The following FSTL4 variants were observed in gnomAD, a reference collection of about 807,000 sequenced individuals.
FSTL4 encodes the protein follistatin like 4.
Under a neutral mutation model 78.2 loss-of-function variants are expected in FSTL4, and 28 were observed. The observed-to-expected ratio is 0.36, with a 90% CI of 0.27 to 0.49. The LOEUF (loss-of-function observed/expected upper bound fraction) is 0.49. Ranked by LOEUF, FSTL4 falls within the 20% of genes least tolerant of loss-of-function variation. The pLI is 0.98. For missense variants in FSTL4, 922 were observed against 1,084.9 expected (o/e 0.85, Z 2.11); for synonymous variants, 422 against 440.5 (o/e 0.96, Z 0.53).
chr5:133,593,567 G>A (rs1204613307), intron 2 of FSTL4, among the ~76,000 whole-genome samples: 1 of 152,040 alleles, frequency 6.6e-6, no homozygotes, highest in Admixed American at 6.5e-5. Flanking sequence ...GCTGAGCCAG[G>A]GGCCAGGACA....
chr5:133,598,918 C>G (rs935934991), intron 2 of FSTL4, among the ~76,000 whole-genome samples: 1 of 152,190 alleles, frequency 6.6e-6, no homozygotes, highest in African/African-American at 2.4e-5. Context: ...CTTGGACCCC[C>G]GTTGGTTCAC....
intron 3 of FSTL4, among the ~76,000 whole-genome samples, chr5:133,438,433 T>C (rs77120823): frequency 0.02 from 2,990 of 152,338 alleles, 52 homozygotes; most frequent in Middle Eastern, 0.034. Flanking sequence ...GGAAGGAGAA[T>C]ATATGATATT....
the FSTL4 span, among the ~76,000 whole-genome samples, chr5:133,647,732 G>T: frequency 6.6e-6 from 1 of 152,058 alleles, no homozygotes; most frequent in Non-Finnish European, 1.5e-5. Flanking sequence ...CCCTTCTTAG[G>T]GTTTACTTAA....
intron 3 of FSTL4, among the ~76,000 whole-genome samples, chr5:133,459,062 A>G (rs887184350): frequency 6.6e-6 from 1 of 151,786 alleles, no homozygotes; most frequent in Admixed American, 6.6e-5. Flanking sequence ...CCTCCAACAG[A>G]CCCCACCTGC....
the FSTL4 span, among the ~76,000 whole-genome samples, chr5:133,648,102 G>A: frequency 1.3e-5 from 2 of 152,136 alleles, no homozygotes; most frequent in Non-Finnish European, 2.9e-5. Context: ...ATGTAGAACT[G>A]TAAGTCCACT....
chr5:133,696,665 T>C, the FSTL4 span, among the ~76,000 whole-genome samples: 1 of 152,206 alleles, frequency 6.6e-6, no homozygotes, highest in Non-Finnish European at 1.5e-5. Flanking sequence ...AGTGAACAGA[T>C]GGACAGATAG....
intron 3 of FSTL4, among the ~76,000 whole-genome samples, chr5:133,535,017 C>G (rs902621750): frequency 1.7e-4 from 26 of 152,156 alleles, no homozygotes; most frequent in African/African-American, 6.0e-4. Context: ...TTAAGACTTT[C>G]AAGAAGGTAA....
the FSTL4 span, among the ~76,000 whole-genome samples, chr5:133,807,126 A>C: frequency 1.3e-5 from 2 of 152,236 alleles, no homozygotes. Context: ...CAGCCTCTTC[A>C]CATTAAGCGG....
At chr5:133,480,580 C>T (rs1015177632) in intron 3 of FSTL4, among the ~76,000 whole-genome samples, 1 of 152,008 alleles carries the variant, frequency 6.6e-6, no homozygotes, top group Non-Finnish European at 1.5e-5. Flanking sequence ...CAACGTGAAG[C>T]CGGTTCTACT....
At chr5:133,289,494 G>T (rs1753208383) in intron 6 of FSTL4, among the ~76,000 whole-genome samples, 1 of 152,318 alleles carries the variant, frequency 6.6e-6, no homozygotes, top group East Asian at 1.9e-4. Context: ...CCCTAGATGG[G>T]TCAGGAGCTC....
the FSTL4 span, among the ~76,000 whole-genome samples, chr5:133,816,983 C>T: frequency 6.6e-6 from 1 of 152,178 alleles, no homozygotes; most frequent in Non-Finnish European, 1.5e-5. Context: ...CCTCCCATGG[C>T]TCCTTGCTGC....
intron 4 of FSTL4, among the ~76,000 whole-genome samples, chr5:133,319,772 ACCAAGGGATTC>A (rs1580612456): frequency 6.6e-6 from 1 of 152,210 alleles, no homozygotes; most frequent in African/African-American, 2.4e-5. Flanking sequence ...CCTGAGATGA[ACCAAGGGATTC>A]CAGGAACAGA....
rs10671234 is a variant in FSTL4 at position 133,514,182 on chromosome 5, GATAATA to G, written c.160+52998_160+53003del. Among the ~76,000 whole-genome samples the G allele has an allele frequency of 2.0e-3, 237 of 116,628 alleles. 1 individual carries two copies. Among genetic ancestry groups the G allele is most frequent in the South Asian group, 7.1e-3 (26 of 3,680 alleles). The allele number at this position is 116,628 out of a possible 152,430, so 76.5% of individuals were successfully genotyped here. ...CTAAAGAGCAAGACTCCGTCTCAATGATAATAATAATAATAATAATAATAATAATAA... is the reference window on the plus strand; with the variant it reads ...CTAAAGAGCAAGACTCCGTCTCAATGATAATAATAATAATAATAATAATAA... On this transcript the variant is annotated intron_variant, in intron 3 of 15. Transcript: ENST00000265342.
the FSTL4 span, among the ~76,000 whole-genome samples, chr5:133,841,493 A>G: frequency 5.0e-4 from 76 of 152,342 alleles, no homozygotes; most frequent in African/African-American, 1.5e-3. Flanking sequence ...TCTAGAAATA[A>G]TAAGATGCTC....
At chr5:133,373,250 C>G (rs766563671) in intron 4 of FSTL4, among the ~76,000 whole-genome samples, 1 of 152,234 alleles carries the variant, frequency 6.6e-6, no homozygotes, top group South Asian at 2.1e-4. Context: ...TTACGAAGAG[C>G]CCCCAGGGCT....
chr5:133,439,508 A>G (rs1427089151), intron 3 of FSTL4, among the ~76,000 whole-genome samples: 2 of 152,194 alleles, frequency 1.3e-5, no homozygotes, highest in Non-Finnish European at 2.9e-5. Context: ...AAAAAGAAAC[A>G]GCTCTGGAGG....
At chr5:133,765,866 T>C in the FSTL4 span, among the ~76,000 whole-genome samples, 1 of 152,216 alleles carries the variant, frequency 6.6e-6, no homozygotes, top group South Asian at 2.1e-4. Context: ...AAGAGACAGC[T>C]GAATTCCAGC....
At chr5:133,756,816 G>T in the FSTL4 span, among the ~76,000 whole-genome samples, 61 of 152,260 alleles carry the variant, frequency 4.0e-4, no homozygotes, top group African/African-American at 1.5e-3. Context: ...TCCCTGGGGG[G>T]TTGTAGTGGG....
At chr5:133,514,239 G>T (rs1410383603) in intron 3 of FSTL4, among the ~76,000 whole-genome samples, 1 of 150,312 alleles carries the variant, frequency 6.7e-6, no homozygotes, top group Non-Finnish European at 1.5e-5. Context: ...GTTGGTTCAG[G>T]GAGAACAGGA....
Sources: gnomAD v4.1 joint callset for allele counts (sites outside exome capture counted in the v4.1 genomes callset) on GRCh38, gnomAD v4.1.1 for gene constraint, MANE v1.5 for transcripts, NCBI Gene and HGNC (gene_info 2026-07-23, HGNC 2026-07-21) for gene names.